Variants in KAZN observed in about 807,000 individuals in gnomAD.
KAZN encodes the protein kazrin.
KAZN carries 40 observed loss-of-function variants against 87.4 expected under a neutral mutation model. The ratio of observed to expected loss-of-function variants is 0.46; its 90% CI spans 0.36 to 0.60. The LOEUF is 0.60. Ranked by LOEUF, KAZN falls within the 20% of genes least tolerant of loss-of-function variation. The probability of loss-of-function intolerance (pLI) is 0.00; values close to 1 mark genes in which losing one functional copy is unlikely to be tolerated. For missense variants in KAZN, 898 were observed against 1,073.9 expected, an observed-to-expected ratio of 0.84 and a Z score of 2.29; for synonymous variants, 466 against 458.3, an observed-to-expected ratio of 1.02 and a Z score of -0.22.
At chr1:14,655,346 A>G (rs75220922) in intron 1 of KAZN, among the ~76,000 whole-genome samples, 6,696 of 152,342 alleles carry the variant, frequency 0.044, 217 homozygotes, top group African/African-American at 0.076. Context: ...GCATTGGGTT[A>G]CATTGTAACT....
intron 2 of KAZN, among the ~76,000 whole-genome samples, chr1:14,375,944 A>C (rs1660878025): frequency 6.6e-6 from 1 of 152,196 alleles, no homozygotes; most frequent in African/African-American, 2.4e-5. Context: ...ATATGTGTAC[A>C]ATACCCTCAA....
intron 1 of KAZN, among the ~76,000 whole-genome samples, chr1:14,669,648 G>T (rs909413285): frequency 7.9e-5 from 12 of 152,198 alleles, no homozygotes; most frequent in Non-Finnish European, 1.8e-4. Context: ...TCAGGAGGCT[G>T]GGATGGGAGG....
At chr1:15,027,243 G>A (rs559487006) in intron 2 of KAZN, among the ~76,000 whole-genome samples, 1 of 152,090 alleles carries the variant, frequency 6.6e-6, no homozygotes, top group South Asian at 2.1e-4. Flanking sequence ...ACCACTCCCG[G>A]CTAATTTTTT....
At chr1:14,431,011 C>G (rs1045972372) in intron 2 of KAZN, among the ~76,000 whole-genome samples, 8 of 152,322 alleles carry the variant, frequency 5.3e-5, no homozygotes, top group African/African-American at 1.9e-4. Flanking sequence ...AATTATGTCC[C>G]TTTTCTCTGG....
intron 2 of KAZN, among the ~76,000 whole-genome samples, chr1:14,239,499 T>A (rs1417583720): frequency 6.7e-6 from 1 of 149,086 alleles, no homozygotes. Flanking sequence ...TCACTCTTGT[T>A]GCCCAGGCTG....
chr1:14,494,674 C>A (rs1557757646), intron 2 of KAZN, among the ~76,000 whole-genome samples: 1 of 152,166 alleles, frequency 6.6e-6, no homozygotes, highest in East Asian at 1.9e-4. Flanking sequence ...TTCTGACCTC[C>A]TGAACCAATC....
intron 2 of KAZN, among the ~76,000 whole-genome samples, chr1:14,263,709 G>A (rs1484400313): frequency 1.3e-5 from 2 of 152,332 alleles, no homozygotes; most frequent in African/African-American, 4.8e-5. Flanking sequence ...TTTGGGATTT[G>A]TATGAGGTAG....
At chr1:14,270,947 G>A (rs1651874417) in intron 2 of KAZN, among the ~76,000 whole-genome samples, 1 of 152,210 alleles carries the variant, frequency 6.6e-6, no homozygotes. Context: ...GCACCCTCAT[G>A]GCGCACGGAG....
At chr1:14,368,136 T>C (rs1238990896) in intron 2 of KAZN, among the ~76,000 whole-genome samples, 1 of 152,130 alleles carries the variant, frequency 6.6e-6, no homozygotes, top group African/African-American at 2.4e-5. Context: ...CATAACATTA[T>C]CTAGGGGCAT....
In KAZN at chr1:14,599,487, G is replaced by A. The variant is rs1442055305; in HGVS notation, c.226+264G>A. On this transcript the variant is annotated intron_variant, in intron 1 of 14. Transcript: ENST00000376030. This position sits in a 1 kb window ranked among gnomAD's most constrained non-coding sequence, Gnocchi z 4.4. ...CAGCCTGAGCGAGGCGCAGCCGGCG[G>A]GTCCCTTCCGGCATCAGAAAGTGCC... 1.3e-5 allele frequency among the ~76,000 whole-genome samples: 2 copies of A among 152,194 alleles called. No individual in the cohort carries two copies. Among genetic ancestry groups the A allele is most frequent in the Non-Finnish European group, 2.9e-5 (2 of 68,040 alleles).
At chr1:14,247,436 C>T (rs774770435) in intron 2 of KAZN, among the ~76,000 whole-genome samples, 1 of 152,186 alleles carries the variant, frequency 6.6e-6, no homozygotes, top group African/African-American at 2.4e-5. Flanking sequence ...GATTCCTGAA[C>T]TAATTTCTTC....
chr1:14,320,083 TA>T (rs1655944790), intron 2 of KAZN, among the ~76,000 whole-genome samples: 1 of 152,162 alleles, frequency 6.6e-6, no homozygotes, highest in Non-Finnish European at 1.5e-5. Context: ...ATCTCTATTG[TA>T]AAGTTGAGAA....
At chr1:14,540,901 C>A (rs1442044612) in intron 2 of KAZN, among the ~76,000 whole-genome samples, 1 of 152,062 alleles carries the variant, frequency 6.6e-6, no homozygotes, top group Non-Finnish European at 1.5e-5. Context: ...GATTCTAGCT[C>A]CCAGCTGGGT....
intron 1 of KAZN, among the ~76,000 whole-genome samples, chr1:14,920,382 C>G (rs1012488572): frequency 6.6e-6 from 1 of 151,378 alleles, no homozygotes; most frequent in East Asian, 2.0e-4. Flanking sequence ...CTCCCCACCC[C>G]CTGTCTGGAC....
chr1:14,968,686 C>T (rs971797582), intron 2 of KAZN, among the ~76,000 whole-genome samples: 4 of 152,180 alleles, frequency 2.6e-5, no homozygotes, highest in African/African-American at 4.8e-5. Context: ...AGAAAGGATC[C>T]GGAGTTTCCT....
chr1:14,164,361 C>T (rs1355070763), intron 1 of KAZN, among the ~76,000 whole-genome samples: 2 of 151,850 alleles, frequency 1.3e-5, no homozygotes, highest in Admixed American at 1.3e-4. Flanking sequence ...GGCACAAGGT[C>T]TCAGTTCTTC....
At chr1:14,274,307 T>A (rs1652181624) in intron 2 of KAZN, among the ~76,000 whole-genome samples, 1 of 152,188 alleles carries the variant, frequency 6.6e-6, no homozygotes, top group African/African-American at 2.4e-5. Context: ...CCTTAATGTT[T>A]TGTATCTCTG....
intron 1 of KAZN, among the ~76,000 whole-genome samples, chr1:14,030,562 C>G (rs1468439702): frequency 6.6e-6 from 1 of 151,134 alleles, no homozygotes; most frequent in African/African-American, 2.4e-5. Flanking sequence ...CACATGTACC[C>G]TAAAACATAA....
chr1:14,278,182 A>C (rs1006075343), intron 2 of KAZN, among the ~76,000 whole-genome samples: 2 of 151,816 alleles, frequency 1.3e-5, no homozygotes, highest in Admixed American at 1.3e-4. Context: ...AAAAAAAAAA[A>C]AAAAAAAACA....
Sources: gnomAD v4.1 joint callset for allele counts (sites outside exome capture counted in the v4.1 genomes callset) on GRCh38, gnomAD v4.1.1 for gene constraint, Gnocchi (gnomAD v3.1) non-coding constraint, MANE v1.5 for transcripts, NCBI Gene and HGNC (gene_info 2026-07-23, HGNC 2026-07-21) for gene names.